TBC1D22A: variants seen among roughly 807,000 people sequenced by gnomAD.
The protein encoded by TBC1D22A is TBC1 domain family member 22A, also known as putative GTPase activator.
In TBC1D22A, 38 loss-of-function variants were observed where a neutral mutation model predicts 60.2. That is an observed-to-expected ratio of 0.63 (90% CI 0.49 to 0.83). The LOEUF (loss-of-function observed/expected upper bound fraction) is 0.83. TBC1D22A is among the 40% of genes least tolerant of loss of function. TBC1D22A has a pLI of 0.00. For synonymous variants in TBC1D22A, 302 were observed against 281.7 expected, an observed-to-expected ratio of 1.07 and a Z score of -0.72; for missense variants, 628 against 701.0, an observed-to-expected ratio of 0.90 and a Z score of 1.18.
chr22:46,871,187 G>A (rs2067277748), intron 4 of TBC1D22A, among the ~76,000 whole-genome samples: 2 of 152,168 alleles, frequency 1.3e-5, no homozygotes, highest in African/African-American at 4.8e-5. Flanking sequence ...AGTCCTAAAT[G>A]TGTATGTACC....
chr22:46,836,988 G>A (rs1380159227), intron 4 of TBC1D22A, among the ~76,000 whole-genome samples: 1 of 140,218 alleles, frequency 7.1e-6, no homozygotes, highest in African/African-American at 2.6e-5. Flanking sequence ...GGGAGATCTT[G>A]TCTCCTAAAA....
At chr22:46,895,058 G>A (rs1429672660) in intron 7 of TBC1D22A, among the ~76,000 whole-genome samples, 3 of 152,144 alleles carry the variant, frequency 2.0e-5, no homozygotes, top group African/African-American at 4.8e-5. Context: ...GACACACAGC[G>A]AAGAATGTAT....
chr22:47,029,204 A>G (rs1181239863), intron 10 of TBC1D22A, among the ~76,000 whole-genome samples: 1 of 147,960 alleles, frequency 6.8e-6, no homozygotes, highest in Non-Finnish European at 1.5e-5. Flanking sequence ...GCCCGGGGAC[A>G]CAGCGCTTCC....
At chr22:46,945,479 T>C (rs1198693495) in intron 8 of TBC1D22A, among the ~76,000 whole-genome samples, 1 of 152,154 alleles carries the variant, frequency 6.6e-6, no homozygotes, top group Non-Finnish European at 1.5e-5. Context: ...TTACAAGAGA[T>C]TGAATAACTT....
At chr22:46,957,409 A>G (rs1038183796) in intron 8 of TBC1D22A, among the ~76,000 whole-genome samples, 28 of 152,228 alleles carry the variant, frequency 1.8e-4, no homozygotes, top group Non-Finnish European at 3.7e-4. Flanking sequence ...AGGCGAAGGG[A>G]AAGCAGGCAT....
chr22:46,859,169 TTTTGATAGAGG>T (rs1288451220), intron 4 of TBC1D22A, among the ~76,000 whole-genome samples: 1 of 79,174 alleles, frequency 1.3e-5, no homozygotes, highest in Admixed American at 1.1e-4. Context: ...CAGAATCCTT[TTTTGATAGAGG>T]TCCGCGCAGT....
intron 4 of TBC1D22A, among the ~76,000 whole-genome samples, chr22:46,843,974 C>T (rs1287745366): frequency 6.6e-6 from 1 of 151,814 alleles, no homozygotes; most frequent in Non-Finnish European, 1.5e-5. Context: ...GGGGTCAGGA[C>T]ATCTCAAGGC....
Position 46,888,507 on chromosome 22 carries a change from A to C in TBC1D22A, c.709-2759A>C, listed in dbSNP as rs1305806589. 3.9e-5 allele frequency among the ~76,000 whole-genome samples: 6 copies of C among 152,302 alleles called. No individual in the cohort carries two copies. The East Asian group carries it at 1.2e-3, about 29-fold the overall frequency. On this transcript the variant is annotated intron_variant, in intron 5 of 12. Coordinates refer to ENST00000337137, the MANE Select transcript of TBC1D22A (RefSeq NM_014346.5). ...TTGTGCCCGCCATCTGGTTGGTACC[A>C]TGAGGGCCTGGTCCTGAGTGAACTT...
chr22:47,148,227 C>G (rs1206888989), intron 12 of TBC1D22A, among the ~76,000 whole-genome samples: 9 of 152,020 alleles, frequency 5.9e-5, no homozygotes, highest in Non-Finnish European at 2.9e-5. Flanking sequence ...AGGTGTGCTC[C>G]TGCCATAGTG....
rs552686577 is a variant in TBC1D22A, at chr22:46,797,568, C to T, written c.585C>T (p.Ala195=). ...LSSSALSERE[A]SRLDKFKQLL... is the part of the protein sequence containing the mutation. The stretch of plus-strand genomic sequence containing the variant: ...GCTCAGCGCTGAGCGAAAGAGAGGC[C>T]TCCCGGCTCGACAAGTTCAAGCAGC... The change falls in exon 4 of 13, where the codon GCC becomes GCT. Residue 195 remains alanine, a synonymous_variant. Transcript: ENST00000337137. The T allele has an allele frequency of 2.1e-4, 334 of 1,613,266 alleles. 5 individuals carry two copies. In the South Asian group the frequency reaches 3.3e-3, roughly 16 times the overall value.
intron 4 of TBC1D22A, among the ~76,000 whole-genome samples, chr22:46,861,010 C>T (rs189060928): frequency 6.6e-6 from 1 of 152,212 alleles, no homozygotes; most frequent in African/African-American, 2.4e-5. Context: ...GGTCTAAGCT[C>T]TGTTGCCCTG....
chr22:47,005,393 C>T (rs2061552209), intron 10 of TBC1D22A, among the ~76,000 whole-genome samples: 1 of 151,320 alleles, frequency 6.6e-6, no homozygotes, highest in Non-Finnish European at 1.5e-5. Context: ...TACCCCTATG[C>T]ACGCACCAAT....
chr22:47,002,598 T>G (rs1215609110), intron 10 of TBC1D22A, among the ~76,000 whole-genome samples: 3 of 152,286 alleles, frequency 2.0e-5, no homozygotes, highest in Non-Finnish European at 4.4e-5. Flanking sequence ...CTTGATTTTT[T>G]CAGATTTAAG....
At chr22:47,024,036 C>G (rs888964697) in intron 10 of TBC1D22A, among the ~76,000 whole-genome samples, 1 of 152,168 alleles carries the variant, frequency 6.6e-6, no homozygotes, top group African/African-American at 2.4e-5. Flanking sequence ...ACACATGCCG[C>G]GGTGCGATGA....
intron 5 of TBC1D22A, among the ~76,000 whole-genome samples, chr22:46,885,736 C>A (rs2068079718): frequency 1.3e-5 from 2 of 152,024 alleles, no homozygotes; most frequent in South Asian, 4.2e-4. Flanking sequence ...GGCTAGGTAC[C>A]CAACAGAAGG....
chr22:46,788,803 CT>C (rs1056678100), intron 1 of TBC1D22A, among the ~76,000 whole-genome samples: 1 of 151,986 alleles, frequency 6.6e-6, no homozygotes, highest in South Asian at 2.1e-4. Flanking sequence ...TCCTTATTGG[CT>C]TTTTTTTGGG....
chr22:46,958,899 C>T (rs1041861575), intron 8 of TBC1D22A, among the ~76,000 whole-genome samples: 2 of 152,206 alleles, frequency 1.3e-5, no homozygotes, highest in Non-Finnish European at 2.9e-5. Flanking sequence ...GTCTGAGTAC[C>T]TTCATGAAAT....
chr22:46,832,450 A>G (rs1274820518), intron 4 of TBC1D22A, among the ~76,000 whole-genome samples: 1 of 152,210 alleles, frequency 6.6e-6, no homozygotes, highest in Non-Finnish European at 1.5e-5. Context: ...GGAGTTCGAG[A>G]CAAGCCTGGC....
At chr22:46,932,086 G>A (rs905866502) in intron 8 of TBC1D22A, among the ~76,000 whole-genome samples, 4 of 152,216 alleles carry the variant, frequency 2.6e-5, no homozygotes, top group African/African-American at 7.2e-5. Flanking sequence ...CCATTTGTGC[G>A]TTTATAGAAA....
Sources: allele counts gnomAD v4.1 joint callset (sites outside exome capture counted in the v4.1 genomes callset), GRCh38; gene constraint gnomAD v4.1.1; transcripts MANE v1.5; gene names NCBI Gene and HGNC (gene_info 2026-07-23, HGNC 2026-07-21).